The following CYP2B6 variants were observed in gnomAD, a reference collection of about 807,000 sequenced individuals.
CYP2B6 encodes the protein cytochrome P450 family 2 subfamily B member 6, also known as cytochrome P450 2B6.
In CYP2B6, 35 loss-of-function variants were observed where a neutral mutation model predicts 43.4. The observed-to-expected ratio is 0.81, with a 90% CI of 0.62 to 1.07. CYP2B6 has a LOEUF of 1.07. Among genes scored for constraint, CYP2B6 ranks in the 50% least tolerant of loss-of-function variants. The pLI is 0.00. For missense variants in CYP2B6, 624 were observed against 632.8 expected (o/e 0.99, Z 0.15); for synonymous variants, 239 against 239.2 (o/e 1.00, Z 0.01).
chr19:41,013,441 C>T (rs184853378), intron 8 of CYP2B6, among the ~76,000 whole-genome samples: 290 of 152,324 alleles, frequency 1.9e-3, no homozygotes, highest in Non-Finnish European at 3.0e-3. Flanking sequence ...TCCAAGCTAA[C>T]ATGTTCATGG....
chr19:41,010,097 A>G lies in CYP2B6; in HGVS notation c.926A>G (p.Tyr309Cys), dbSNP rs747558979. Residue 309 changes from tyrosine to cysteine, a missense_variant, in exon 6 of 9, where the codon TAC becomes TGC. Physicochemically the swap from Tyr to Cys is radical, Grantham distance 194. Transcript: ENST00000324071. Reference sequence around the variant, plus strand: ...GAGACCACCAGCACCACTCTCCGCTACGGCTTCCTGCTCATGCTCAAATAC... The same window carrying G: ...GAGACCACCAGCACCACTCTCCGCTGCGGCTTCCTGCTCATGCTCAAATAC... ...GTETTSTTLR[Y>C]GFLLMLKYPH... 75 of 1,613,788 alleles carry G rather than the reference A, an allele frequency of 4.6e-5. No individual in the cohort carries two copies. The highest frequency in any genetic ancestry group is 6.2e-5 in the Non-Finnish European group (73 of 1,180,032).
At chr19:41,014,796 CAGAG>C (rs1303972531) in intron 8 of CYP2B6, among the ~76,000 whole-genome samples, 1 of 146,630 alleles carries the variant, frequency 6.8e-6, no homozygotes, top group Admixed American at 6.9e-5. Flanking sequence ...GAGAGAGACA[CAGAG>C]AGAGAGAGAG....
chr19:41,013,301 G>A (rs992079216), intron 8 of CYP2B6, among the ~76,000 whole-genome samples: 1 of 152,140 alleles, frequency 6.6e-6, no homozygotes, highest in Non-Finnish European at 1.5e-5. Context: ...ATGCTCACAA[G>A]GGCAATTATT....
At chr19:41,005,456 C>T (rs1326262627) in intron 3 of CYP2B6, among the ~76,000 whole-genome samples, 1 of 151,692 alleles carries the variant, frequency 6.6e-6, no homozygotes, top group African/African-American at 2.4e-5. Flanking sequence ...GTGACACAGG[C>T]AGGAGGAAAG....
At chr19:41,000,598 A>G (rs1969068700) in intron 1 of CYP2B6, among the ~76,000 whole-genome samples, 1 of 152,146 alleles carries the variant, frequency 6.6e-6, no homozygotes, top group African/African-American at 2.4e-5. Context: ...CATGTGTGAC[A>G]AGAGTATCAC....
At chr19:41,008,089 C>T (rs1428008789) in intron 4 of CYP2B6, among the ~76,000 whole-genome samples, 151 of 151,956 alleles carry the variant, frequency 9.9e-4, no homozygotes, top group African/African-American at 3.5e-3. Flanking sequence ...ATTGTAAAGG[C>T]AGTCTTCTGC....
chr19:40,998,756 A>G (rs1969036103), intron 1 of CYP2B6, among the ~76,000 whole-genome samples: 2 of 121,280 alleles, frequency 1.6e-5, no homozygotes. Flanking sequence ...ACATGAACTC[A>G]TCATTTTTTA....
rs187663304 is a variant in CYP2B6, at chr19:41,004,506, A to T, written c.484+60A>T. The stretch of plus-strand genomic sequence containing the variant: ...ATGAAACACTGAGAGATGCAGGTGC[A>T]CGGGAATAGAAAGACAGAGAGGTAT... On this transcript the variant is annotated intron_variant, in intron 3 of 8. Transcript: ENST00000324071. The T allele has an allele frequency of 1.0e-4, 160 of 1,582,656 alleles. No individual in the cohort carries two copies. The African/African-American group carries it at 1.8e-3, about 18-fold the overall frequency.
At chr19:40,995,535 A>G (rs1968987616) in intron 1 of CYP2B6, among the ~76,000 whole-genome samples, 1 of 152,224 alleles carries the variant, frequency 6.6e-6, no homozygotes, top group African/African-American at 2.4e-5. Context: ...GGTTGTCATC[A>G]ACCGATGTGT....
At chr19:40,992,138 G>A (rs1163687558) in intron 1 of CYP2B6, among the ~76,000 whole-genome samples, 1 of 148,316 alleles carries the variant, frequency 6.7e-6, no homozygotes, top group East Asian at 2.0e-4. Context: ...GGAGGCAGAG[G>A]TTGCAGTGAG....
intron 1 of CYP2B6, among the ~76,000 whole-genome samples, chr19:41,001,678 A>G (rs1969090694): frequency 6.6e-6 from 1 of 152,148 alleles, no homozygotes; most frequent in Non-Finnish European, 1.5e-5. Context: ...CCACTCATTC[A>G]TTTATTCACG....
At chr19:40,996,011 T>C (rs772916924) in intron 1 of CYP2B6, among the ~76,000 whole-genome samples, 5 of 152,120 alleles carry the variant, frequency 3.3e-5, no homozygotes, top group Non-Finnish European at 7.3e-5. Flanking sequence ...ACAAAGCAGT[T>C]AAATAACATT....
Position 41,018,210 on chromosome 19 carries a change from T to C in CYP2B6, c.*1383T>C, listed in dbSNP as rs574154609. The C allele has an allele frequency of 4.6e-5, 7 of 152,410 alleles. No homozygotes were observed. The highest frequency in any genetic ancestry group is 1.4e-4 in the African/African-American group (6 of 41,582). The allele number at this position is 152,410 out of a possible 1,614,324, so 9.4% of individuals were successfully genotyped here. ...CCTGTTGTAGACCACAGTCACACAC[T>C]GCTGTAGTCTTCCCCAGTCCTCATT... On this transcript the variant is annotated 3_prime_UTR_variant, in exon 9 of 9. Coordinates refer to ENST00000324071, the MANE Select transcript of CYP2B6 (RefSeq NM_000767.5).
chr19:41,011,069 T>C lies in CYP2B6; in HGVS notation c.964+934T>C, dbSNP rs149525861. 1.8e-3 allele frequency among the ~76,000 whole-genome samples: 275 copies of C among 152,354 alleles called. 1 individual carries two copies. Among genetic ancestry groups the C allele is most frequent in the African/African-American group, 6.2e-3 (259 of 41,584 alleles). On this transcript the variant is annotated intron_variant, in intron 6 of 8. Transcript: ENST00000324071. ...GATTACTTGATCCACAAGTTGATCC[T>C]TTGAAACAGTGGTATGTTGATGGAC...
At position 41,012,459 on chromosome 19, in the gene CYP2B6, A is replaced by G. The variant is rs202144306; in HGVS notation, c.1126A>G (p.Ser376Gly). 9.3e-6 allele frequency: 15 copies of G among 1,614,104 alleles called. No individual in the cohort carries two copies. Among genetic ancestry groups the G allele is most frequent in the Non-Finnish European group, 1.3e-5 (15 of 1,179,968 alleles). The change falls in exon 7 of 9, where the codon AGC (serine) becomes GGC (glycine). Residue 376 changes from serine to glycine, a missense_variant. By Grantham distance (56) the Ser-to-Gly change is moderately conservative. Coordinates refer to ENST00000324071, the MANE Select transcript of CYP2B6 (RefSeq NM_000767.5). ...GCCCCACATTGTCACCCAACACACC[A>G]GCTTCCGAGGGTACATCATCCCCAA... ...GVPHIVTQHTSFRGYIIPKDT... is the reference protein window; with the variant it reads ...GVPHIVTQHTGFRGYIIPKDT...
At chr19:41,014,796 C>T (rs1347542503) in intron 8 of CYP2B6, among the ~76,000 whole-genome samples, 3 of 146,630 alleles carry the variant, frequency 2.0e-5, no homozygotes, top group African/African-American at 7.6e-5. Flanking sequence ...GAGAGAGACA[C>T]AGAGAGAGAG....
Position 41,010,708 on chromosome 19 carries a change from G to C in CYP2B6, c.964+573G>C, listed in dbSNP as rs1017927391. Among the ~76,000 whole-genome samples the C allele has an allele frequency of 2.6e-5, 4 of 152,004 alleles. No individual in the cohort carries two copies. In the East Asian group the frequency reaches 5.8e-4, roughly 22 times the overall value. On this transcript the variant is annotated intron_variant, in intron 6 of 8. Transcript: ENST00000324071. ...TTGTTACATGCGTAGGTTTTGTAATGGTCAAGTTTGGGCTGTTAGGGTATT... is the reference window on the plus strand; with the variant it reads ...TTGTTACATGCGTAGGTTTTGTAATCGTCAAGTTTGGGCTGTTAGGGTATT...
intron 3 of CYP2B6, among the ~76,000 whole-genome samples, chr19:41,006,303 A>G (rs373799504): frequency 1.3e-5 from 2 of 148,568 alleles, no homozygotes; most frequent in Non-Finnish European, 3.0e-5. Context: ...GACTACAGGC[A>G]TGTGCCACCA....
chr19:41,003,077 T>C (rs1969120961), intron 1 of CYP2B6, among the ~76,000 whole-genome samples: 2 of 152,138 alleles, frequency 1.3e-5, no homozygotes, highest in Non-Finnish European at 2.9e-5. Context: ...TGTTCATTTT[T>C]TGGTGAACAC....
Sources: allele counts gnomAD v4.1 joint callset (sites outside exome capture counted in the v4.1 genomes callset), GRCh38; gene constraint gnomAD v4.1.1; transcripts MANE v1.5; gene names NCBI Gene and HGNC (gene_info 2026-07-23, HGNC 2026-07-21).